The following TCF12 variants were observed in gnomAD, a reference collection of about 807,000 sequenced individuals.
TCF12 encodes DNA-binding protein HTF4.
In TCF12, 45 loss-of-function variants were observed where a neutral mutation model predicts 86.0. The observed-to-expected ratio is 0.52, with a 90% CI of 0.41 to 0.67. TCF12 has a LOEUF of 0.67. Ranked by LOEUF, TCF12 falls within the 30% of genes least tolerant of loss-of-function variation. The pLI, the probability that TCF12 is intolerant of heterozygous loss-of-function variation, is 0.00. For missense variants in TCF12, 881 were observed against 859.9 expected, an observed-to-expected ratio of 1.02 and a Z score of -0.31; for synonymous variants, 330 against 299.6, an observed-to-expected ratio of 1.10 and a Z score of -1.05.
chr15:56,934,944 G>T (rs1219508536), intron 3 of TCF12, among the ~76,000 whole-genome samples: 1 of 152,148 alleles, frequency 6.6e-6, no homozygotes, highest in Non-Finnish European at 1.5e-5. Flanking sequence ...AAATTTTGGG[G>T]CTTCTGTCTC....
At chr15:57,143,774 A>T (rs1484697698) in intron 5 of TCF12, among the ~76,000 whole-genome samples, 1 of 152,200 alleles carries the variant, frequency 6.6e-6, no homozygotes, top group Non-Finnish European at 1.5e-5. Flanking sequence ...TAGAAGAAAG[A>T]GAGGGAAAAG....
intron 4 of TCF12, among the ~76,000 whole-genome samples, chr15:57,084,154 A>C (rs777226122): frequency 7.2e-5 from 11 of 152,224 alleles, no homozygotes; most frequent in African/African-American, 1.2e-4. Context: ...AATATCAGGA[A>C]ATAAAAATAT....
Position 56,938,056 on chromosome 15 carries a change from TTTTTGAGACAGATAGCTAGTA to T in TCF12, c.148+16964_148+16984del, listed in dbSNP as rs2060550154. ...TTTTCGTTTCTTTTCTTTTTTTTTT[TTTTTGAGACAGATAGCTAGTA>T]TTTTGTTACGGATTTTTTGCATCTA... On this transcript the variant is annotated intron_variant, in intron 3 of 20. Coordinates refer to ENST00000333725, the MANE Select transcript of TCF12 (RefSeq NM_207037.2). Among the ~76,000 whole-genome samples the T allele has an allele frequency of 2.0e-5, 3 of 150,518 alleles. No individual in the cohort carries two copies. The South Asian group carries it at 6.3e-4, about 31-fold the overall frequency.
rs183091924 is a variant in TCF12, at chr15:57,220,876, C to G, written c.580-10276C>G. On this transcript the variant is annotated intron_variant, in intron 8 of 20. Transcript: ENST00000333725. ...CCCTCAGGTGTCTTATGAAAAAATGCATATATGGGCTTAGTGAAGGGGGGG... is the reference window on the plus strand; with the variant it reads ...CCCTCAGGTGTCTTATGAAAAAATGGATATATGGGCTTAGTGAAGGGGGGG... Among the ~76,000 whole-genome samples, 389 of 152,000 alleles carry G rather than the reference C, an allele frequency of 2.6e-3. 3 individuals carry two copies. The highest frequency in any genetic ancestry group is 3.6e-3 in the Non-Finnish European group (246 of 67,962).
intron 11 of TCF12, among the ~76,000 whole-genome samples, chr15:57,233,627 A>G (rs2059261297): frequency 6.6e-6 from 1 of 152,020 alleles, no homozygotes; most frequent in Non-Finnish European, 1.5e-5. Flanking sequence ...ACAGGCACAC[A>G]CCACCATACC....
chr15:56,959,165 A>G (rs1332372609), intron 3 of TCF12, among the ~76,000 whole-genome samples: 1 of 152,238 alleles, frequency 6.6e-6, no homozygotes, highest in Admixed American at 6.5e-5. Context: ...TGTCTGGCAC[A>G]CAGTAGGTGC....
chr15:57,001,499 A>G (rs1423960711), intron 3 of TCF12: 1 of 164,780 alleles, frequency 6.1e-6, no homozygotes, highest in Non-Finnish European at 1.3e-5. Context: ...GATTGTCCCC[A>G]AAATGTCTTT....
At chr15:56,951,368 CTG>C (rs1224328277) in intron 3 of TCF12, among the ~76,000 whole-genome samples, 1 of 151,936 alleles carries the variant, frequency 6.6e-6, no homozygotes, top group Non-Finnish European at 1.5e-5. Flanking sequence ...ATCTTCATAT[CTG>C]TTGTCAATTT....
chr15:56,961,896 A>T (rs2061771707), intron 3 of TCF12, among the ~76,000 whole-genome samples: 1 of 152,086 alleles, frequency 6.6e-6, no homozygotes, highest in African/African-American at 2.4e-5. Context: ...TAATCCCAGC[A>T]CTTTGGGAGG....
intron 3 of TCF12, among the ~76,000 whole-genome samples, chr15:57,024,646 A>G (rs1458695021): frequency 3.3e-5 from 5 of 152,234 alleles, no homozygotes; most frequent in African/African-American, 1.2e-4. Context: ...GCTGCTGCCA[A>G]AGGAGCTTGC....
chr15:57,282,339 C>A, intron 19 of TCF12, 106 bp from the exon 20 acceptor site: 1 of 1,335,580 alleles, frequency 7.5e-7, no homozygotes, highest in Non-Finnish European at 1.1e-6. Context: ...TGTGATGGTA[C>A]TTAGTATGGG....
chr15:57,069,853 G>T (rs1457773542), intron 4 of TCF12, among the ~76,000 whole-genome samples: 1 of 152,186 alleles, frequency 6.6e-6, no homozygotes, highest in Non-Finnish European at 1.5e-5. Context: ...GAGGACATGG[G>T]ACATGATATG....
At chr15:57,190,113 A>C (rs2056903276) in intron 6 of TCF12, among the ~76,000 whole-genome samples, 1 of 152,082 alleles carries the variant, frequency 6.6e-6, no homozygotes, top group South Asian at 2.1e-4. Context: ...ATGGATCTGG[A>C]ATTTCGTTTT....
At chr15:57,219,424 C>T (rs1310450261) in intron 8 of TCF12, 11 of 1,454,754 alleles carry the variant, frequency 7.6e-6, no homozygotes, top group Non-Finnish European at 9.2e-6. Context: ...TGTGTGAATG[C>T]ATAGTACTGA....
At chr15:57,272,437 T>C (rs937746325) in intron 18 of TCF12, among the ~76,000 whole-genome samples, 1 of 152,262 alleles carries the variant, frequency 6.6e-6, no homozygotes, top group Non-Finnish European at 1.5e-5. Context: ...ATAGCCGTTT[T>C]CTGGGATACT....
chr15:57,153,376 A>T (rs1179635535), intron 5 of TCF12, among the ~76,000 whole-genome samples: 2 of 152,246 alleles, frequency 1.3e-5, no homozygotes, highest in African/African-American at 4.8e-5. Flanking sequence ...ACAAGTGAGC[A>T]TGGCTGTTTT....
chr15:57,223,828 GAGA>G (rs1389764528), intron 8 of TCF12, among the ~76,000 whole-genome samples: 15 of 151,536 alleles, frequency 9.9e-5, no homozygotes. Context: ...GTTAACATGA[GAGA>G]AGAATATACA....
chr15:57,075,829 TCTCTCTTTTC>T (rs1490399202), intron 4 of TCF12, among the ~76,000 whole-genome samples: 14 of 73,396 alleles, frequency 1.9e-4, no homozygotes, highest in African/African-American at 5.0e-4. Flanking sequence ...TCTCTCTCTC[TCTCTCTTTTC>T]TTTCTTTCTT....
intron 8 of TCF12, among the ~76,000 whole-genome samples, chr15:57,224,471 A>T (rs542343330): frequency 1.3e-5 from 2 of 152,248 alleles, no homozygotes; most frequent in African/African-American, 4.8e-5. Context: ...CAGTAATGTT[A>T]ATTTAAGATT....
Sources: allele counts gnomAD v4.1 joint callset (sites outside exome capture counted in the v4.1 genomes callset), GRCh38; gene constraint gnomAD v4.1.1; transcripts MANE v1.5; gene names NCBI Gene and HGNC (gene_info 2026-07-23, HGNC 2026-07-21).